ARFGEF2: variants seen among roughly 807,000 people sequenced by gnomAD.
ARFGEF2 encodes brefeldin A-inhibited guanine nucleotide-exchange protein 2.
ARFGEF2 carries 74 observed loss-of-function variants against 219.9 expected under a neutral mutation model. The observed-to-expected ratio is 0.34, with a 90% CI of 0.28 to 0.41. The LOEUF is 0.41. Ranked by LOEUF, ARFGEF2 falls within the 10% of genes least tolerant of loss-of-function variation. ARFGEF2 has a pLI of 1.00. For missense variants in ARFGEF2, 1,743 were observed against 2,218.3 expected (o/e 0.79, Z 4.30); for synonymous variants, 733 against 799.2 (o/e 0.92, Z 1.40).
intron 14 of ARFGEF2, among the ~76,000 whole-genome samples, chr20:48,977,584 T>C (rs566768804): frequency 6.6e-6 from 1 of 152,330 alleles, no homozygotes; most frequent in South Asian, 2.1e-4. Context: ...CTAGTTTACA[T>C]TCCCACCAAC....
At chr20:48,964,315 G>T (rs948986317) in intron 7 of ARFGEF2, among the ~76,000 whole-genome samples, 1 of 152,242 alleles carries the variant, frequency 6.6e-6, no homozygotes, top group African/African-American at 2.4e-5. Context: ...TGAGGCAGGA[G>T]AATTGCTTGA....
At chr20:48,974,735 A>C in intron 12 of ARFGEF2, 31 bp from the exon 13 acceptor site, 1 of 1,572,282 alleles carries the variant, frequency 6.4e-7, no homozygotes, top group Non-Finnish European at 8.7e-7. Flanking sequence ...TTTTCTGTTA[A>C]GTCTCTTTCC....
At chr20:48,998,294 TC>T in intron 24 of ARFGEF2, 41 bp from the exon 25 acceptor site, 5 of 1,614,218 alleles carry the variant, frequency 3.1e-6, no homozygotes, top group Non-Finnish European at 3.4e-6. Context: ...GTCTGACTGT[TC>T]CTAACGAGGC....
intron 18 of ARFGEF2, 94 bp from the exon 19 acceptor site, chr20:48,989,191 G>C (rs2091343294): frequency 2.9e-6 from 4 of 1,363,524 alleles, no homozygotes; most frequent in Non-Finnish European, 3.1e-6. Context: ...GGAGGATTTA[G>C]GAGTTAATCA....
At position 49,006,763 on chromosome 20, in the gene ARFGEF2, G is replaced by T. The variant is rs73264274; in HGVS notation, c.3584+1542G>T. Among the ~76,000 whole-genome samples the T allele has an allele frequency of 7.8e-3, 1,188 of 152,314 alleles. 15 individuals carry two copies. The highest frequency in any genetic ancestry group is 0.027 in the African/African-American group (1,121 of 41,562). ...GGCTTGAATGGAGGGAACAAGGCAG[G>T]TAGTAGAAGGTGAAGTCCCTCCCAG... is the stretch of plus-strand genomic sequence containing the variant. On this transcript the variant is annotated intron_variant, in intron 26 of 38. Transcript: ENST00000371917.
intron 3 of ARFGEF2, among the ~76,000 whole-genome samples, chr20:48,950,251 G>T (rs544439821): frequency 2.8e-4 from 43 of 152,200 alleles, no homozygotes; most frequent in Non-Finnish European, 5.3e-4. Context: ...AAATGCAGAT[G>T]AAGTTTTTAC....
chr20:49,026,312 A>G (rs984761666), intron 36 of ARFGEF2, among the ~76,000 whole-genome samples: 5 of 152,068 alleles, frequency 3.3e-5, no homozygotes, highest in Admixed American at 6.6e-5. Flanking sequence ...CCTGGGTGAC[A>G]GGGGGAGACC....
chr20:48,922,170 G>A (rs572523597), intron 1 of ARFGEF2, among the ~76,000 whole-genome samples, 160 bp downstream of exon 1: 1 of 152,214 alleles, frequency 6.6e-6, no homozygotes, highest in Non-Finnish European at 1.5e-5. Flanking sequence ...AGGAAGTGTT[G>A]CCCGGGCAGC....
chr20:49,014,802 G>C (rs145185789), intron 30 of ARFGEF2, among the ~76,000 whole-genome samples: 43 of 152,274 alleles, frequency 2.8e-4, no homozygotes, highest in South Asian at 1.0e-3. Flanking sequence ...AGTATAGATA[G>C]AGTTTTCTAA....
intron 3 of ARFGEF2, among the ~76,000 whole-genome samples, chr20:48,950,794 TAA>T (rs1308938052): frequency 0.011 from 377 of 35,834 alleles, 3 homozygotes; most frequent in Middle Eastern, 0.036. Flanking sequence ...AGACCCTGTC[TAA>T]AAAAAAAAAA....
chr20:49,025,580 A>G, intron 36 of ARFGEF2, 99 bp downstream of exon 36: 1 of 1,309,798 alleles, frequency 7.6e-7, no homozygotes, highest in Admixed American at 1.8e-5. Context: ...CATAGCTAGA[A>G]TAACTTAACA....
intron 3 of ARFGEF2, among the ~76,000 whole-genome samples, chr20:48,943,333 G>C (rs1275977044): frequency 6.6e-6 from 1 of 152,194 alleles, no homozygotes; most frequent in African/African-American, 2.4e-5. Context: ...GCATTTGCAA[G>C]TATAGCTGCA....
rs549300785 is a variant in ARFGEF2 at position 48,995,394 on chromosome 20, G to A, written c.3122-389G>A. On this transcript the variant is annotated intron_variant, in intron 22 of 38. Coordinates refer to ENST00000371917, the MANE Select transcript of ARFGEF2 (RefSeq NM_006420.3). ...ATAGCACCCACTTCTTAGGGTTCTC[G>A]TGAGGATGAGTGTAATGAAAGTCTG... Among the ~76,000 whole-genome samples, 8 of 152,276 alleles carry A rather than the reference G, an allele frequency of 5.3e-5. 1 individual carries two copies. The highest frequency in any genetic ancestry group is 2.1e-4 in the South Asian group (1 of 4,816).
chr20:48,980,343 GAGAC>G (rs1442374980), intron 14 of ARFGEF2, among the ~76,000 whole-genome samples: 2 of 152,240 alleles, frequency 1.3e-5, no homozygotes, highest in Non-Finnish European at 2.9e-5. Flanking sequence ...TGTGGTCTGA[GAGAC>G]AGTTTGTTGT....
At chr20:48,933,530 TATC>T (rs2090927252) in intron 1 of ARFGEF2, among the ~76,000 whole-genome samples, 2 of 152,302 alleles carry the variant, frequency 1.3e-5, no homozygotes, top group African/African-American at 2.4e-5. Flanking sequence ...GTGAGTCAGC[TATC>T]ATCATTATTA....
At chr20:48,950,808 AAAAATATATATAT>A (rs1339013969) in intron 3 of ARFGEF2, among the ~76,000 whole-genome samples, 2 of 42,312 alleles carry the variant, frequency 4.7e-5, no homozygotes, top group African/African-American at 3.1e-4. Context: ...AAAAAAAAAA[AAAAATATATATAT>A]ATATATATAT....
At chr20:48,942,943 CAG>C (rs1191705821) in intron 3 of ARFGEF2, among the ~76,000 whole-genome samples, 1 of 152,110 alleles carries the variant, frequency 6.6e-6, no homozygotes, top group Non-Finnish European at 1.5e-5. Context: ...ACATTGAACT[CAG>C]GGGCCACGGT....
chr20:49,016,677 G>A (rs2091532971), intron 31 of ARFGEF2, among the ~76,000 whole-genome samples: 2 of 151,844 alleles, frequency 1.3e-5, no homozygotes, highest in African/African-American at 4.8e-5. Flanking sequence ...TTTTACTTTT[G>A]TATATGTTTG....
intron 6 of ARFGEF2, among the ~76,000 whole-genome samples, chr20:48,962,488 T>C (rs1197160157): frequency 6.6e-6 from 1 of 152,168 alleles, no homozygotes; most frequent in Non-Finnish European, 1.5e-5. Context: ...TTAAAATACA[T>C]AATAATATAT....
Sources: gnomAD v4.1 joint callset for allele counts (sites outside exome capture counted in the v4.1 genomes callset) on GRCh38, gnomAD v4.1.1 for gene constraint, MANE v1.5 for transcripts, NCBI Gene and HGNC (gene_info 2026-07-23, HGNC 2026-07-21) for gene names.